The following PRELID2 variants were observed in gnomAD, a reference collection of about 807,000 sequenced individuals.
PRELID2 encodes the protein PRELI domain-containing protein 2.
Under a neutral mutation model 28.4 loss-of-function variants are expected in PRELID2, and 25 were observed. The ratio of observed to expected loss-of-function variants is 0.88; its 90% CI spans 0.64 to 1.23. The LOEUF is 1.23. PRELID2 is among the 50% of genes most tolerant of loss of function. The probability of loss-of-function intolerance (pLI) is 0.00; values close to 1 mark genes in which losing one functional copy is unlikely to be tolerated. For missense variants in PRELID2, 201 were observed against 214.4 expected (o/e 0.94, Z 0.39); for synonymous variants, 76 against 71.6 (o/e 1.06, Z -0.31).
At chr5:145,638,878 T>C (rs1581018922) in intron 1 of PRELID2, among the ~76,000 whole-genome samples, 1 of 152,228 alleles carries the variant, frequency 6.6e-6, no homozygotes, top group Non-Finnish European at 1.5e-5. Context: ...AAAATTGGTG[T>C]AGACATTGTT....
chr5:145,459,813 ATTTT>A, the PRELID2 span, among the ~76,000 whole-genome samples: 1 of 141,924 alleles, frequency 7.0e-6, no homozygotes. Flanking sequence ...TTACAATTTA[ATTTT>A]TTTTTTTTTT....
At chr5:145,313,205 A>C in the PRELID2 span, among the ~76,000 whole-genome samples, 2 of 152,224 alleles carry the variant, frequency 1.3e-5, no homozygotes, top group East Asian at 3.8e-4. Flanking sequence ...AAATTAATGC[A>C]GTTATACCTT....
intron 1 of PRELID2, among the ~76,000 whole-genome samples, chr5:145,602,317 T>TG (rs1210965955): frequency 6.6e-6 from 1 of 152,224 alleles, no homozygotes; most frequent in Admixed American, 6.5e-5. Context: ...TGGAAGGAAT[T>TG]AATGCTAAAA....
chr5:145,359,276 A>G, the PRELID2 span, among the ~76,000 whole-genome samples: 2 of 152,160 alleles, frequency 1.3e-5, no homozygotes, highest in East Asian at 1.9e-4. Flanking sequence ...TGTCAGAAAC[A>G]GGATTTGCCA....
intron 1 of PRELID2, among the ~76,000 whole-genome samples, chr5:145,725,226 A>G (rs943217369): frequency 1.3e-5 from 2 of 152,224 alleles, no homozygotes; most frequent in Non-Finnish European, 2.9e-5. Flanking sequence ...CCCAAAAGTT[A>G]TCAAACATAA....
chr5:145,438,092 T>C, the PRELID2 span, among the ~76,000 whole-genome samples: 2 of 152,108 alleles, frequency 1.3e-5, no homozygotes, highest in Admixed American at 1.3e-4. Context: ...AAGCAGCTTC[T>C]GCAATAATTG....
chr5:145,500,741 A>C (rs1006937741), intron 1 of PRELID2, among the ~76,000 whole-genome samples: 3 of 152,176 alleles, frequency 2.0e-5, no homozygotes, highest in Admixed American at 6.6e-5. Flanking sequence ...CAAAAGAAGC[A>C]TGGATTGTGT....
the PRELID2 span, among the ~76,000 whole-genome samples, chr5:145,296,780 A>T: frequency 1.3e-5 from 2 of 152,100 alleles, no homozygotes; most frequent in Non-Finnish European, 2.9e-5. Context: ...GACTTCCACA[A>T]GGGTTGAACT....
intron 1 of PRELID2, among the ~76,000 whole-genome samples, chr5:145,724,885 G>A: frequency 6.6e-6 from 1 of 150,612 alleles, no homozygotes; most frequent in Non-Finnish European, 1.5e-5. Flanking sequence ...TGAGACCACA[G>A]ATGCACACCA....
chr5:145,607,788 G>A (rs546670850), intron 1 of PRELID2, among the ~76,000 whole-genome samples: 264 of 152,242 alleles, frequency 1.7e-3, no homozygotes, highest in African/African-American at 6.2e-3. Context: ...TTCAGGTCCT[G>A]AATGTGTTTG....
chr5:145,335,112 AC>A, the PRELID2 span, among the ~76,000 whole-genome samples: 1 of 151,814 alleles, frequency 6.6e-6, no homozygotes, highest in Non-Finnish European at 1.5e-5. Flanking sequence ...GTATCAGTCC[AC>A]TTGATGGTGT....
the PRELID2 span, among the ~76,000 whole-genome samples, chr5:145,369,101 T>C: frequency 6.6e-6 from 1 of 151,928 alleles, no homozygotes; most frequent in African/African-American, 2.4e-5. Flanking sequence ...TTTGCTAAAG[T>C]TAATGGCATT....
At chr5:145,586,434 G>C (rs1015888038) in intron 1 of PRELID2, among the ~76,000 whole-genome samples, 15 of 152,046 alleles carry the variant, frequency 9.9e-5, no homozygotes, top group African/African-American at 3.4e-4. Flanking sequence ...CCTGAGATCA[G>C]GAGTTCACAA....
chr5:145,585,290 G>C (rs1479037708), intron 1 of PRELID2, among the ~76,000 whole-genome samples: 1 of 152,052 alleles, frequency 6.6e-6, no homozygotes, highest in Non-Finnish European at 1.5e-5. Context: ...TGTCGTGGTG[G>C]GGTGGCGAAG....
At chr5:145,797,156 A>G (rs889279117) in intron 4 of PRELID2, among the ~76,000 whole-genome samples, 1 of 152,164 alleles carries the variant, frequency 6.6e-6, no homozygotes, top group African/African-American at 2.4e-5. Flanking sequence ...TAAAACAGAG[A>G]TCTAGATTAC....
At chr5:145,568,118 A>G (rs1752983510) in intron 1 of PRELID2, among the ~76,000 whole-genome samples, 1 of 152,300 alleles carries the variant, frequency 6.6e-6, no homozygotes, top group Non-Finnish European at 1.5e-5. Context: ...AAAGACCAAA[A>G]AGAAAGAAAA....
chr5:145,737,017 AAAGAG>A (rs1322358819), intron 1 of PRELID2, among the ~76,000 whole-genome samples: 15 of 152,254 alleles, frequency 9.9e-5, no homozygotes, highest in African/African-American at 2.9e-4. Context: ...TGGTGAAGAA[AAAGAG>A]AAGAGAATTG....
At chr5:145,438,487 A>C in the PRELID2 span, among the ~76,000 whole-genome samples, 1 of 152,208 alleles carries the variant, frequency 6.6e-6, no homozygotes. Flanking sequence ...AACCTTGAAT[A>C]AGATGCTCCA....
At chr5:145,319,747 C>T in the PRELID2 span, among the ~76,000 whole-genome samples, 2 of 151,742 alleles carry the variant, frequency 1.3e-5, no homozygotes, top group Non-Finnish European at 2.9e-5. Context: ...AAAAGTAACT[C>T]CACCGATGAT....
Sources: allele counts gnomAD v4.1 joint callset (sites outside exome capture counted in the v4.1 genomes callset), GRCh38; gene constraint gnomAD v4.1.1; transcripts MANE v1.5; gene names NCBI Gene and HGNC (gene_info 2026-07-23, HGNC 2026-07-21).